BOLA3: variants seen among roughly 807,000 people sequenced by gnomAD.
BOLA3 encodes bolA family member 3.
BOLA3 carries 8 observed loss-of-function variants against 14.5 expected under a neutral mutation model. The observed-to-expected ratio is 0.55, with a 90% confidence interval of 0.32 to 0.99. The LOEUF is 0.99. Among genes scored for constraint, BOLA3 ranks in the 50% least tolerant of loss-of-function variants. The pLI, the probability that BOLA3 is intolerant of heterozygous loss-of-function variation, is 0.04. For synonymous variants in BOLA3, 42 were observed against 45.7 expected (o/e 0.92, Z 0.33); for missense variants, 115 against 138.2 (o/e 0.83, Z 0.84).
intron 2 of BOLA3, among the ~76,000 whole-genome samples, chr2:74,144,194 C>CGGG (rs11384041): frequency 7.1e-6 from 1 of 141,012 alleles, no homozygotes; most frequent in African/African-American, 2.6e-5. Flanking sequence ...TTAGTAGAGA[C>CGGG]GGGGGGGTTT....
intron 3 of BOLA3, among the ~76,000 whole-genome samples, chr2:74,140,093 G>A (rs920407245): frequency 6.6e-6 from 1 of 152,198 alleles, no homozygotes; most frequent in African/African-American, 2.4e-5. Flanking sequence ...AGACCAGCCT[G>A]GCCAACATGG....
At chr2:74,144,724 C>G (rs370535294) in intron 2 of BOLA3, among the ~76,000 whole-genome samples, 2 of 152,316 alleles carry the variant, frequency 1.3e-5, no homozygotes, top group East Asian at 3.9e-4. Flanking sequence ...GTTCCACTGT[C>G]TCTTCCCTAT....
At chr2:74,147,492 C>T in intron 1 of BOLA3, 10 of 376,342 alleles carry the variant, frequency 2.7e-5, no homozygotes, top group South Asian at 2.5e-4. Context: ...TGGGCTATGA[C>T]TCCTGTCTTC....
At chr2:74,137,727 T>C (rs1692360799) in intron 3 of BOLA3, among the ~76,000 whole-genome samples, 1 of 152,076 alleles carries the variant, frequency 6.6e-6, no homozygotes, top group African/African-American at 2.4e-5. Context: ...ATCCGGGAGC[T>C]CCTGTTGTGT....
rs1170029865 is a variant in BOLA3, at chr2:74,147,799, C to A, written c.54+22G>T. On this transcript the variant is annotated intron_variant, in intron 1 of 3. Coordinates refer to ENST00000327428, the MANE Select transcript of BOLA3 (RefSeq NM_212552.3). The stretch of plus-strand genomic sequence containing the variant: ...GCAGCTCCCGTCCCGGGGAGAGCAG[C>A]CCCGACCCTGCCCACGCTCACCCCG... 2.0e-6 allele frequency: 3 copies of A among 1,530,020 alleles called. No individual in the cohort carries two copies. In the East Asian group the frequency reaches 7.4e-5, roughly 38 times the overall value. The allele number at this position is 1,530,020 out of a possible 1,614,324, so 94.8% of individuals were successfully genotyped here.
chr2:74,145,144 C>A (rs1558823150), intron 2 of BOLA3, 45 bp downstream of exon 2: 2 of 1,154,610 alleles, frequency 1.7e-6, no homozygotes, highest in South Asian at 1.2e-5. Flanking sequence ...TTCCAAAGGG[C>A]AAAATCTTAT....
chr2:74,141,131 CA>C (rs1057030432), intron 3 of BOLA3, among the ~76,000 whole-genome samples: 1 of 152,170 alleles, frequency 6.6e-6, no homozygotes, highest in African/African-American at 2.4e-5. Flanking sequence ...ATTCTGACCC[CA>C]GAGATCACAT....
At chr2:74,145,437 A>G (rs1025325866) in intron 1 of BOLA3, 134 bp from the exon 2 acceptor site, 2 of 710,030 alleles carry the variant, frequency 2.8e-6, no homozygotes, top group Non-Finnish European at 5.2e-6. Context: ...GCCATGGGTT[A>G]TGTCAGAGGG....
At chr2:74,146,859 T>C (rs1692554797) in intron 1 of BOLA3, 1 of 152,522 alleles carries the variant, frequency 6.6e-6, no homozygotes, top group South Asian at 2.1e-4. Flanking sequence ...GCTGGATGAA[T>C]GAATGAGCAG....
Position 74,136,702 on chromosome 2 carries a change from A to G in BOLA3, c.259-1044T>C, listed in dbSNP as rs181270600. On this transcript the variant is annotated intron_variant, in intron 3 of 3. Transcript: ENST00000327428. ...TATATGAATGCATTATAACTTTTCA[A>G]CCTGTCCCCTAGCGAACTTTTAGGC... Among the ~76,000 whole-genome samples the G allele has an allele frequency of 3.2e-4, 49 of 152,276 alleles. No homozygotes were observed. In the South Asian group the frequency reaches 3.9e-3, roughly 12 times the overall value.
intron 3 of BOLA3, among the ~76,000 whole-genome samples, chr2:74,138,049 C>T (rs557552356): frequency 3.9e-5 from 6 of 152,304 alleles, no homozygotes; most frequent in Non-Finnish European, 7.4e-5. Flanking sequence ...TCAGGCCCTG[C>T]GCACTCCCCC....
chr2:74,147,765 G>A, intron 1 of BOLA3, 56 bp downstream of exon 1: 1 of 1,517,318 alleles, frequency 6.6e-7, no homozygotes, highest in Non-Finnish European at 8.8e-7. Flanking sequence ...CCGGCCCCGC[G>A]GTCCCTCCGC....
Position 74,147,821 on chromosome 2 carries a change from C to G in BOLA3, c.54G>C (p.Gly18=), listed in dbSNP as rs561205328. 2.0e-6 allele frequency: 3 copies of G among 1,528,624 alleles called. No homozygotes were observed. The highest frequency in any genetic ancestry group is 1.7e-6 in the Non-Finnish European group (2 of 1,144,432). The allele number at this position is 1,528,624 out of a possible 1,614,324, so 94.7% of individuals were successfully genotyped here. A position where few individuals can be genotyped will look rare whatever the true frequency, so the allele number is the denominator to read the frequency against. ...CAGCCCCGACCCTGCCCACGCTCAC[C>G]CCGCGGATCCCGCGGAGGAGAGGCG... ...AAAPLLRGIR[G]LPLHHRMFAT... Residue 18 remains glycine (G), a splice_region_variant and synonymous_variant, in exon 1 of 4, where the codon GGG becomes GGC. Transcript: ENST00000327428.
chr2:74,145,122 G>A (rs1692520044), intron 2 of BOLA3, 67 bp downstream of exon 2: 1 of 884,058 alleles, frequency 1.1e-6, no homozygotes, highest in Non-Finnish European at 1.9e-6. Flanking sequence ...CCAAGCCCCT[G>A]ACCCTCTGTC....
chr2:74,144,049 A>C (rs1692495951), intron 2 of BOLA3, among the ~76,000 whole-genome samples: 1 of 136,748 alleles, frequency 7.3e-6, no homozygotes. Context: ...TCTGTCACCC[A>C]GGCTGGAGTG....
In BOLA3 at chr2:74,145,838, A is replaced by G. The variant is rs150094267; in HGVS notation, c.55-535T>C. On this transcript the variant is annotated intron_variant, in intron 1 of 3. Coordinates refer to ENST00000327428, the MANE Select transcript of BOLA3 (RefSeq NM_212552.3). ...ATGTGACCTCACAGCCCACTGCTCA[A>G]TTAGCCAGCTATCCTTCATCATGCA... 3.1e-4 allele frequency: 49 copies of G among 159,406 alleles called. No homozygotes were observed. In the East Asian group the frequency reaches 7.6e-3, roughly 25 times the overall value. The allele number at this position is 159,406 out of a possible 1,614,324, so 9.9% of individuals were successfully genotyped here.
intron 2 of BOLA3, among the ~76,000 whole-genome samples, chr2:74,144,195 G>T (rs541697423): frequency 2.1e-5 from 2 of 93,696 alleles, no homozygotes; most frequent in African/African-American, 7.1e-5. Context: ...TAGTAGAGAC[G>T]GGGGGGTTTC....
intron 2 of BOLA3, among the ~76,000 whole-genome samples, chr2:74,143,485 T>C (rs17009668): frequency 0.13 from 19,896 of 151,960 alleles, 1,683 homozygotes; most frequent in East Asian, 0.39. Flanking sequence ...TAATGTGCTC[T>C]AGGAGTCCAA....
chr2:74,143,770 T>A (rs1475586530), intron 2 of BOLA3, among the ~76,000 whole-genome samples: 2 of 151,816 alleles, frequency 1.3e-5, no homozygotes, highest in Non-Finnish European at 2.9e-5. Flanking sequence ...CACTGCAACC[T>A]CTGCCTCCCA....
Sources: gnomAD v4.1 joint callset for allele counts (sites outside exome capture counted in the v4.1 genomes callset) on GRCh38, gnomAD v4.1.1 for gene constraint, MANE v1.5 for transcripts, NCBI Gene and HGNC (gene_info 2026-07-23, HGNC 2026-07-21) for gene names.